ADAMTS17: variants seen among roughly 807,000 people sequenced by gnomAD.
ADAMTS17 encodes ADAM metallopeptidase with thrombospondin type 1 motif 17, also known as A disintegrin and metalloproteinase with thrombospondin motifs 17.
ADAMTS17 carries 113 observed loss-of-function variants against 141.5 expected under a neutral mutation model. That is an observed-to-expected ratio of 0.80 (90% CI 0.69 to 0.93). The LOEUF (loss-of-function observed/expected upper bound fraction) is 0.93, where lower values mean the gene tolerates loss of function less well. Ranked by LOEUF, ADAMTS17 falls within the 40% of genes least tolerant of loss-of-function variation. The pLI is 0.00. For missense variants in ADAMTS17, 1,659 were observed against 1,517.9 expected, an observed-to-expected ratio of 1.09 and a Z score of -1.54; for synonymous variants, 768 against 630.6, an observed-to-expected ratio of 1.22 and a Z score of -3.27.
At chr15:99,982,299 C>T (rs2060495974) in intron 20 of ADAMTS17, among the ~76,000 whole-genome samples, 1 of 152,230 alleles carries the variant, frequency 6.6e-6, no homozygotes, top group South Asian at 2.1e-4. Context: ...CTTAGCACTC[C>T]TTGGGCTGCC....
rs1596410512 is a variant in ADAMTS17 at position 100,096,602 on chromosome 15, A to C, written c.2017-126T>G. 12 of 1,165,260 alleles carry C rather than the reference A, an allele frequency of 1.0e-5. No homozygotes were observed. In the East Asian group the frequency reaches 2.8e-4, roughly 27 times the overall value. The allele number at this position is 1,165,260 out of a possible 1,614,324, so 72.2% of individuals were successfully genotyped here. On this transcript the variant is annotated intron_variant, in intron 14 of 21. Coordinates refer to ENST00000268070, the MANE Select transcript of ADAMTS17 (RefSeq NM_139057.4). ...TGGGGCCTGGGGCCCTGATCCATTC[A>C]GAGGCCCAAGAAAATATTTTAATTC... is the stretch of plus-strand genomic sequence containing the variant.
chr15:100,047,111 A>ACTG, intron 18 of ADAMTS17, among the ~76,000 whole-genome samples: 1 of 151,876 alleles, frequency 6.6e-6, no homozygotes, highest in East Asian at 1.9e-4. Flanking sequence ...TATGGTTGAG[A>ACTG]CAGTAGGCAT....
chr15:99,993,285 G>A lies in ADAMTS17; in HGVS notation c.2797-85C>T. ...CTATTAACTCCCTCCAATGTGCCAGGTGCGGTGTGGGGATGATACAAAGAT... is the reference window on the plus strand; with the variant it reads ...CTATTAACTCCCTCCAATGTGCCAGATGCGGTGTGGGGATGATACAAAGAT... On this transcript the variant is annotated intron_variant, in intron 19 of 21. Transcript: ENST00000268070. This position sits in a 1 kb window ranked among gnomAD's most constrained non-coding sequence, Gnocchi z 4.3. The A allele has an allele frequency of 1.3e-6, 2 of 1,556,722 alleles. No individual in the cohort carries two copies. Among genetic ancestry groups the A allele is most frequent in the East Asian group, 2.2e-5 (1 of 44,602 alleles).
chr15:100,152,862 G>T, intron 9 of ADAMTS17, 100 bp from the exon 10 acceptor site: 2 of 1,460,662 alleles, frequency 1.4e-6, no homozygotes, highest in South Asian at 1.2e-5. Context: ...CTGAGAAGAG[G>T]GCACCTCCAC....
rs115573761 is a variant in ADAMTS17 at position 100,321,601 on chromosome 15, G to C, written c.616+9288C>G. 1.9e-3 allele frequency among the ~76,000 whole-genome samples: 287 copies of C among 152,272 alleles called. 1 individual carries two copies. Among genetic ancestry groups the C allele is most frequent in the African/African-American group, 6.6e-3 (274 of 41,554 alleles). ...CTGGAAGGACAAAAGTATTGGCAGG[G>C]ATAAAAATGGCCCATTACATGATGA... is the stretch of plus-strand genomic sequence containing the variant. On this transcript the variant is annotated intron_variant, in intron 3 of 21. Transcript: ENST00000268070.
chr15:100,183,282 T>C (rs2040589029), intron 8 of ADAMTS17, among the ~76,000 whole-genome samples: 1 of 152,346 alleles, frequency 6.6e-6, no homozygotes, highest in South Asian at 2.1e-4. Context: ...TGAACCACCA[T>C]GCTTCTGGGA....
Position 100,296,526 on chromosome 15 carries a change from C to T in ADAMTS17, c.617-15125G>A, listed in dbSNP as rs763638515. 3.3e-5 allele frequency among the ~76,000 whole-genome samples: 5 copies of T among 151,738 alleles called. 1 individual carries two copies. The highest frequency in any genetic ancestry group is 7.4e-5 in the Non-Finnish European group (5 of 67,986). On this transcript the variant is annotated intron_variant, in intron 3 of 21. Transcript: ENST00000268070. ...AAAAGGCATCTTTTTCATGTAAATT[C>T]CTTACAAAGAAAGGTGGAAAATAAG...
chr15:100,140,507 A>ATATATATATATATATATATC (rs1491274374), intron 10 of ADAMTS17, among the ~76,000 whole-genome samples: 1 of 139,892 alleles, frequency 7.1e-6, no homozygotes, highest in Non-Finnish European at 1.6e-5. Flanking sequence ...ATATATATAT[A>ATATATATATATATATATATC]TCCAGTAAAG....
chr15:100,131,504 G>A (rs2038043446), intron 12 of ADAMTS17, among the ~76,000 whole-genome samples: 1 of 152,110 alleles, frequency 6.6e-6, no homozygotes, highest in South Asian at 2.1e-4. Flanking sequence ...AAAGGTCATG[G>A]TGTCATTAGA....
At chr15:100,270,264 T>C (rs1372208479) in intron 4 of ADAMTS17, among the ~76,000 whole-genome samples, 2 of 152,212 alleles carry the variant, frequency 1.3e-5, no homozygotes. Flanking sequence ...TCTTTCTTGG[T>C]GCAGTTTTTC....
At chr15:100,052,269 T>C (rs916543469) in intron 16 of ADAMTS17, among the ~76,000 whole-genome samples, 1 of 152,206 alleles carries the variant, frequency 6.6e-6, no homozygotes, top group African/African-American at 2.4e-5. Flanking sequence ...AAGGGCAAAA[T>C]GCAGCTCACT....
chr15:100,078,475 C>G (rs968375734), intron 15 of ADAMTS17, among the ~76,000 whole-genome samples: 7 of 152,070 alleles, frequency 4.6e-5, no homozygotes, highest in African/African-American at 1.7e-4. Context: ...GGGGAAAGAA[C>G]AGTCTTCAAC....
chr15:100,270,601 C>T (rs2043872319), intron 4 of ADAMTS17, among the ~76,000 whole-genome samples: 1 of 151,600 alleles, frequency 6.6e-6, no homozygotes. Flanking sequence ...TATGCATTCA[C>T]TGACTACACA....
chr15:100,323,491 C>T (rs1041641731), intron 3 of ADAMTS17, among the ~76,000 whole-genome samples: 3 of 152,062 alleles, frequency 2.0e-5, no homozygotes, highest in African/African-American at 4.8e-5. Context: ...TACAGGTGTG[C>T]TTACAGGGAA....
chr15:100,080,550 A>G (rs528259322), intron 15 of ADAMTS17, among the ~76,000 whole-genome samples: 2 of 152,280 alleles, frequency 1.3e-5, no homozygotes, highest in African/African-American at 4.8e-5. Flanking sequence ...CACTCCACCA[A>G]GAAAAAACCC....
intron 15 of ADAMTS17, among the ~76,000 whole-genome samples, chr15:100,070,524 G>T (rs959422028): frequency 1.3e-5 from 2 of 150,114 alleles, no homozygotes; most frequent in African/African-American, 4.9e-5. Context: ...TAAAACAATA[G>T]AAATTATAAC....
chr15:100,163,605 C>T (rs2039827524), intron 8 of ADAMTS17, among the ~76,000 whole-genome samples: 1 of 152,242 alleles, frequency 6.6e-6, no homozygotes, highest in African/African-American at 2.4e-5. Flanking sequence ...CCTGTCTCAG[C>T]TTCCCAAGTA....
chr15:100,205,879 G>A (rs79780778), intron 7 of ADAMTS17, among the ~76,000 whole-genome samples: 26,218 of 152,158 alleles, frequency 0.17, 2,806 homozygotes, highest in Middle Eastern at 0.26. Flanking sequence ...GGGCGCCGCG[G>A]TCTCTGAAAG....
intron 18 of ADAMTS17, among the ~76,000 whole-genome samples, chr15:100,026,055 G>C (rs1160572498): frequency 1.3e-5 from 2 of 152,108 alleles, no homozygotes; most frequent in Admixed American, 6.6e-5. Context: ...AACCTCAGAA[G>C]GCCTCCTCAT....
Sources: allele counts gnomAD v4.1 joint callset (sites outside exome capture counted in the v4.1 genomes callset), GRCh38; gene constraint gnomAD v4.1.1; non-coding constraint Gnocchi (gnomAD v3.1); transcripts MANE v1.5; gene names NCBI Gene and HGNC (gene_info 2026-07-23, HGNC 2026-07-21).